Variants in OTUD7A observed in about 807,000 individuals in gnomAD.
OTUD7A encodes the protein OTU domain-containing protein 7A.
In OTUD7A, 12 loss-of-function variants were observed where a neutral mutation model predicts 65.7. The observed-to-expected ratio is 0.18, with a 90% CI of 0.12 to 0.30. The LOEUF is 0.30. Among genes scored for constraint, OTUD7A ranks in the 10% least tolerant of loss-of-function variants. The probability of loss-of-function intolerance (pLI) is 1.00; values close to 1 mark genes in which losing one functional copy is unlikely to be tolerated. For synonymous variants in OTUD7A, 641 were observed against 586.3 expected, an observed-to-expected ratio of 1.09 and a Z score of -1.35; for missense variants, 1,148 against 1,304.8, an observed-to-expected ratio of 0.88 and a Z score of 1.85.
At chr15:31,798,359 A>C (rs1896029394) in intron 1 of OTUD7A, among the ~76,000 whole-genome samples, 1 of 152,068 alleles carries the variant, frequency 6.6e-6, no homozygotes, top group African/African-American at 2.4e-5. Context: ...CTTTCACTCA[A>C]GTGTTTGTGG....
At chr15:31,590,242 G>A (rs2141196566) in intron 3 of OTUD7A, among the ~76,000 whole-genome samples, 1 of 152,306 alleles carries the variant, frequency 6.6e-6, no homozygotes, top group African/African-American at 2.4e-5. Flanking sequence ...CGATCAATAG[G>A]TTATAGCCTA....
At chr15:31,795,117 C>A (rs183408543) in intron 1 of OTUD7A, among the ~76,000 whole-genome samples, 65 of 152,330 alleles carry the variant, frequency 4.3e-4, no homozygotes, top group African/African-American at 1.4e-3. Context: ...GAAATCCAGA[C>A]AATTCAGATC....
At chr15:31,719,971 G>A (rs1361815159) in intron 1 of OTUD7A, among the ~76,000 whole-genome samples, 2 of 152,046 alleles carry the variant, frequency 1.3e-5, no homozygotes, top group African/African-American at 4.8e-5. Context: ...AAGTTTCCTG[G>A]TGCTTCAATA....
intron 1 of OTUD7A, among the ~76,000 whole-genome samples, chr15:31,736,830 G>T (rs12903137): frequency 0.2 from 30,602 of 150,786 alleles, 3,538 homozygotes; most frequent in Admixed American, 0.28. Flanking sequence ...TCTTTTTTTT[G>T]GGGGGGCGGG....
chr15:31,591,406 G>T (rs1300181646), intron 3 of OTUD7A, among the ~76,000 whole-genome samples: 5 of 152,162 alleles, frequency 3.3e-5, no homozygotes, highest in Non-Finnish European at 7.3e-5. Flanking sequence ...TGGATGAGAT[G>T]AACATTTAAT....
intron 1 of OTUD7A, among the ~76,000 whole-genome samples, chr15:31,819,861 T>G (rs2140971155): frequency 6.6e-6 from 1 of 152,234 alleles, no homozygotes; most frequent in South Asian, 2.1e-4. Context: ...ATTCGATATA[T>G]GTAATTATCA....
At chr15:31,826,233 C>G (rs1247093845) in intron 1 of OTUD7A, among the ~76,000 whole-genome samples, 2 of 152,260 alleles carry the variant, frequency 1.3e-5, no homozygotes, top group Non-Finnish European at 2.9e-5. Context: ...CAGCAAACTT[C>G]TGTCTGGGCA....
intron 1 of OTUD7A, among the ~76,000 whole-genome samples, chr15:31,658,118 T>C (rs1393833851): frequency 1.3e-5 from 2 of 152,180 alleles, no homozygotes; most frequent in Admixed American, 1.3e-4. Flanking sequence ...GGGCATGTTA[T>C]ATCGCCTCTC....
rs1200542029 is a variant in OTUD7A, at chr15:31,487,176, C to T, written c.1371+18G>A. The T allele has an allele frequency of 6.2e-7, 1 of 1,610,912 alleles. No individual in the cohort carries two copies. Among genetic ancestry groups the T allele is most frequent in the Non-Finnish European group, 8.5e-7 (1 of 1,178,182 alleles). ...TGGACCCTGCTGCCAGGTCTGGTCCCAGCACAGCCAGGCTCACCCGTGTCT... is the reference window on the plus strand; with the variant it reads ...TGGACCCTGCTGCCAGGTCTGGTCCTAGCACAGCCAGGCTCACCCGTGTCT... On this transcript the variant is annotated intron_variant, in intron 12 of 12. Coordinates refer to ENST00000307050, the MANE Select transcript of OTUD7A (RefSeq NM_001382637.1). This position sits in a 1 kb window ranked among gnomAD's most constrained non-coding sequence, Gnocchi z 6.0.
chr15:31,710,356 C>T (rs1375795703), intron 1 of OTUD7A, among the ~76,000 whole-genome samples: 1 of 149,940 alleles, frequency 6.7e-6, no homozygotes, highest in East Asian at 2.0e-4. Flanking sequence ...TGAACATGAA[C>T]TGAAACGCAC....
rs77409064 is a variant in OTUD7A at position 31,565,249 on chromosome 15, A to G, written c.331+4769T>C. On this transcript the variant is annotated intron_variant, in intron 4 of 12. Coordinates refer to ENST00000307050, the MANE Select transcript of OTUD7A (RefSeq NM_001382637.1). ...TTCAGGAGAGTCTACCTAATTCAAT[A>G]AAATAAAAAACTGAATTAATTGTAT... is the stretch of plus-strand genomic sequence containing the variant. Among the ~76,000 whole-genome samples, 672 of 152,258 alleles carry G rather than the reference A, an allele frequency of 4.4e-3. 8 individuals are homozygous for G. The highest frequency in any genetic ancestry group is 0.015 in the African/African-American group (635 of 41,516).
chr15:31,746,164 T>C (rs2141378241), intron 1 of OTUD7A, among the ~76,000 whole-genome samples: 1 of 152,308 alleles, frequency 6.6e-6, no homozygotes, highest in Non-Finnish European at 1.5e-5. Flanking sequence ...AACCCTATTA[T>C]CCTGGGGTTT....
intron 1 of OTUD7A, among the ~76,000 whole-genome samples, chr15:31,792,646 T>C (rs1895848218): frequency 6.6e-6 from 1 of 152,180 alleles, no homozygotes; most frequent in Non-Finnish European, 1.5e-5. Flanking sequence ...TCAGTCTCTC[T>C]CTCTCACAGC....
chr15:31,868,497 A>G (rs887513940), intron 1 of OTUD7A, among the ~76,000 whole-genome samples: 24 of 152,238 alleles, frequency 1.6e-4, no homozygotes, highest in Admixed American at 3.9e-4. Flanking sequence ...GTAAAGAAGA[A>G]TCTCTGCCAC....
chr15:31,485,059 C>T (rs1002922048), intron 12 of OTUD7A, among the ~76,000 whole-genome samples: 6 of 152,210 alleles, frequency 3.9e-5, no homozygotes, highest in Non-Finnish European at 7.3e-5. Flanking sequence ...GGTATTGCAG[C>T]AGGGTGCAGA....
intron 5 of OTUD7A, among the ~76,000 whole-genome samples, chr15:31,548,351 A>G (rs1255000001): frequency 6.6e-6 from 1 of 151,712 alleles, no homozygotes; most frequent in African/African-American, 2.4e-5. Flanking sequence ...TCCTTTGGAG[A>G]TTTTCTCTGG....
chr15:31,793,445 C>G (rs2140939873), intron 1 of OTUD7A, among the ~76,000 whole-genome samples: 1 of 152,326 alleles, frequency 6.6e-6, no homozygotes, highest in East Asian at 1.9e-4. Flanking sequence ...CTCACTGAGT[C>G]CCCCATCCCT....
chr15:31,535,833 C>A (rs1444072773), intron 5 of OTUD7A, among the ~76,000 whole-genome samples: 3 of 151,536 alleles, frequency 2.0e-5, no homozygotes, highest in Non-Finnish European at 4.4e-5. Flanking sequence ...CCCACCACCA[C>A]GCCTGGCTAA....
At chr15:31,737,036 G>T (rs1894211765) in intron 1 of OTUD7A, among the ~76,000 whole-genome samples, 1 of 152,232 alleles carries the variant, frequency 6.6e-6, no homozygotes, top group African/African-American at 2.4e-5. Context: ...TGCCCAGGCT[G>T]GTCTTGAACT....
Sources: gnomAD v4.1 joint callset for allele counts (sites outside exome capture counted in the v4.1 genomes callset) on GRCh38, gnomAD v4.1.1 for gene constraint, Gnocchi (gnomAD v3.1) non-coding constraint, MANE v1.5 for transcripts, NCBI Gene and HGNC (gene_info 2026-07-23, HGNC 2026-07-21) for gene names.